BTBD9: variants seen among roughly 807,000 people sequenced by gnomAD.
BTBD9 encodes BTB domain containing 9.
In BTBD9, 49 loss-of-function variants were observed where a neutral mutation model predicts 64.3. The ratio of observed to expected loss-of-function variants is 0.76; its 90% CI spans 0.61 to 0.97. The LOEUF is 0.97. Ranked by LOEUF, BTBD9 falls within the 50% of genes least tolerant of loss-of-function variation. BTBD9 has a pLI of 0.00. For missense variants in BTBD9, 598 were observed against 762.1 expected, an observed-to-expected ratio of 0.78 and a Z score of 2.53; for synonymous variants, 260 against 274.7, an observed-to-expected ratio of 0.95 and a Z score of 0.53.
In BTBD9 at chr6:38,174,974, C is replaced by T. The variant is rs779044986; in HGVS notation, c.*11G>A. 2.8e-5 allele frequency: 45 copies of T among 1,613,280 alleles called. 1 individual carries two copies. In the South Asian group the frequency reaches 3.5e-4, roughly 13 times the overall value. On this transcript the variant is annotated 3_prime_UTR_variant, in exon 11 of 11. Transcript: ENST00000481247. ...CGAGCCCACCAAGTCACACCAGGCC[C>T]GCTGCCTCCTTTATTGGTGCTGCCG...
At chr6:38,472,958 C>G (rs574914416) in intron 6 of BTBD9, among the ~76,000 whole-genome samples, 1 of 152,294 alleles carries the variant, frequency 6.6e-6, no homozygotes, top group African/African-American at 2.4e-5. Context: ...AAGCCTGATA[C>G]TATGGTTGGA....
At chr6:38,336,038 CAGGT>C (rs1461087745) in intron 7 of BTBD9, among the ~76,000 whole-genome samples, 1 of 152,078 alleles carries the variant, frequency 6.6e-6, no homozygotes, top group African/African-American at 2.4e-5. Context: ...ACCCGGCCTC[CAGGT>C]AGTTCTCTAT....
At chr6:38,637,379 C>T (rs946412425) in intron 1 of BTBD9, among the ~76,000 whole-genome samples, 2 of 152,172 alleles carry the variant, frequency 1.3e-5, no homozygotes, top group Non-Finnish European at 2.9e-5. Context: ...AGCAATTCAA[C>T]TTCAGGTTTA....
At chr6:38,534,524 T>C (rs151171474) in intron 6 of BTBD9, among the ~76,000 whole-genome samples, 88 of 148,226 alleles carry the variant, frequency 5.9e-4, no homozygotes, top group Middle Eastern at 3.6e-3. Flanking sequence ...AAACTCATTC[T>C]ATAAGGCCAG....
chr6:38,563,776 CTTTTTTTTTTT>C (rs57927975), intron 6 of BTBD9, among the ~76,000 whole-genome samples: 3 of 113,580 alleles, frequency 2.6e-5, no homozygotes, highest in Non-Finnish European at 5.2e-5. Flanking sequence ...GCCTATCTAA[CTTTTTTTTTTT>C]TTTTTTTTTT....
intron 6 of BTBD9, among the ~76,000 whole-genome samples, chr6:38,480,432 A>G (rs1771085625): frequency 1.3e-5 from 2 of 152,188 alleles, no homozygotes; most frequent in Admixed American, 1.3e-4. Flanking sequence ...AGCTCTTATG[A>G]AAGTGTAGGT....
intron 6 of BTBD9, among the ~76,000 whole-genome samples, chr6:38,474,822 C>T (rs896475651): frequency 1.4e-4 from 22 of 152,072 alleles, no homozygotes; most frequent in African/African-American, 5.3e-4. Context: ...TAGATGATCT[C>T]TAATGCCTAT....
At chr6:38,494,223 A>ATG in intron 6 of BTBD9, among the ~76,000 whole-genome samples, 1 of 152,366 alleles carries the variant, frequency 6.6e-6, no homozygotes, top group South Asian at 2.1e-4. Flanking sequence ...AGCTGGTAAC[A>ATG]TTAGCTCCTT....
chr6:38,294,724 C>A (rs1227658646), intron 7 of BTBD9, among the ~76,000 whole-genome samples: 1 of 151,512 alleles, frequency 6.6e-6, no homozygotes, highest in East Asian at 1.9e-4. Context: ...ATGGGTGCAG[C>A]AAACCACCAT....
chr6:38,412,874 AC>A (rs1767499790), intron 6 of BTBD9, among the ~76,000 whole-genome samples: 1 of 152,016 alleles, frequency 6.6e-6, no homozygotes, highest in African/African-American at 2.4e-5. Context: ...AACAACAACA[AC>A]AACAACAACA....
intron 1 of BTBD9, among the ~76,000 whole-genome samples, chr6:38,634,496 G>A (rs4714173): frequency 0.067 from 10,169 of 151,822 alleles, 813 homozygotes; most frequent in East Asian, 0.23. Context: ...AAGACTCAAT[G>A]TGCCTAATAC....
intron 6 of BTBD9, among the ~76,000 whole-genome samples, chr6:38,576,844 TA>T (rs1222833655): frequency 6.6e-6 from 1 of 152,222 alleles, no homozygotes; most frequent in Non-Finnish European, 1.5e-5. Flanking sequence ...TTTAACCACC[TA>T]AACAAATTCA....
At chr6:38,406,946 C>A (rs6923701) in intron 6 of BTBD9, among the ~76,000 whole-genome samples, 61,485 of 151,964 alleles carry the variant, frequency 0.4, 15,473 homozygotes, top group East Asian at 0.95. Context: ...CCAGTCTGAG[C>A]AGGATTCACA....
Position 38,177,486 on chromosome 6 carries a change from A to C in BTBD9, c.1642-2304T>G, listed in dbSNP as rs79625917. On this transcript the variant is annotated intron_variant, in intron 10 of 10. Transcript: ENST00000481247. ...TTCTACCTGCTCGGGTTCTTGCACAAGAATAAACAAATCGATAAAAACCCT... is the reference window on the plus strand; with the variant it reads ...TTCTACCTGCTCGGGTTCTTGCACACGAATAAACAAATCGATAAAAACCCT... Among the ~76,000 whole-genome samples the C allele has an allele frequency of 3.2e-3, 485 of 152,342 alleles. 5 individuals carry two copies. Among genetic ancestry groups the C allele is most frequent in the African/African-American group, 0.011 (463 of 41,584 alleles).
chr6:38,267,953 A>C (rs570132197), intron 8 of BTBD9, among the ~76,000 whole-genome samples: 1 of 152,274 alleles, frequency 6.6e-6, no homozygotes, highest in Admixed American at 6.5e-5. Flanking sequence ...AAACAAAACA[A>C]AACAAAACAA....
At chr6:38,526,260 A>G (rs1280266105) in intron 6 of BTBD9, among the ~76,000 whole-genome samples, 1 of 152,260 alleles carries the variant, frequency 6.6e-6, no homozygotes, top group Non-Finnish European at 1.5e-5. Flanking sequence ...AGAGGATGCA[A>G]GCTCCAAACA....
chr6:38,362,788 C>T (rs185790442), intron 6 of BTBD9, among the ~76,000 whole-genome samples: 2 of 152,286 alleles, frequency 1.3e-5, no homozygotes, highest in Non-Finnish European at 2.9e-5. Flanking sequence ...TGTCAGCAGG[C>T]TGGAGAACTG....
intron 7 of BTBD9, among the ~76,000 whole-genome samples, chr6:38,318,816 G>C (rs1021482984): frequency 6.6e-6 from 1 of 152,196 alleles, no homozygotes; most frequent in Non-Finnish European, 1.5e-5. Flanking sequence ...CAATCAGCAG[G>C]TAGTGAAGCC....
intron 9 of BTBD9, among the ~76,000 whole-genome samples, chr6:38,250,757 G>T (rs192657513): frequency 6.6e-6 from 1 of 152,310 alleles, no homozygotes; most frequent in Admixed American, 6.5e-5. Flanking sequence ...GAGAAATATT[G>T]TCTATAACTG....
Sources: gnomAD v4.1 joint callset for allele counts (sites outside exome capture counted in the v4.1 genomes callset) on GRCh38, gnomAD v4.1.1 for gene constraint, MANE v1.5 for transcripts, NCBI Gene and HGNC (gene_info 2026-07-23, HGNC 2026-07-21) for gene names.